Variants in CARS1 observed in about 807,000 individuals in gnomAD.
CARS1 encodes cysteine--tRNA ligase, cytoplasmic.
Under a neutral mutation model 106.2 loss-of-function variants are expected in CARS1, and 48 were observed. The observed-to-expected ratio is 0.45, with a 90% CI of 0.36 to 0.57. The LOEUF is 0.57. Among genes scored for constraint, CARS1 ranks in the 20% least tolerant of loss-of-function variants. The pLI, the probability that CARS1 is intolerant of heterozygous loss-of-function variation, is 0.00. For synonymous variants in CARS1, 409 were observed against 403.4 expected (o/e 1.01, Z -0.17); for missense variants, 968 against 1,057.2 (o/e 0.92, Z 1.17).
rs200630863 is a variant in CARS1 at position 3,033,872 on chromosome 11, C to T, written c.801+4178G>A. On this transcript the variant is annotated intron_variant, in intron 7 of 22. Transcript: ENST00000380525. ...GACAAAACCAAGATGGGGCCTCTTA[C>T]CCATCAGATACCTGTGAGAGACAGC... Among the ~76,000 whole-genome samples, 18 of 152,272 alleles carry T rather than the reference C, an allele frequency of 1.2e-4. No homozygotes were observed. In the East Asian group the frequency reaches 2.9e-3, roughly 24 times the overall value.
Position 3,021,600 on chromosome 11 carries a change from A to G in CARS1, c.1154-1268T>C, listed in dbSNP as rs1384878001. On this transcript the variant is annotated intron_variant, in intron 10 of 22. Coordinates refer to ENST00000380525, the MANE Select transcript of CARS1 (RefSeq NM_001014437.3). This position sits in a 1 kb window ranked among gnomAD's most constrained non-coding sequence, Gnocchi z 5.3. Reference sequence around the variant, plus strand: ...TTCATGATTATAAAATATGTACTAAATGTAGAATATTTGAAAGATAAAAAA... The same window carrying G: ...TTCATGATTATAAAATATGTACTAAGTGTAGAATATTTGAAAGATAAAAAA... Among the ~76,000 whole-genome samples the G allele has an allele frequency of 6.6e-6, 1 of 152,216 alleles. No individual in the cohort carries two copies. The highest frequency in any genetic ancestry group is 1.9e-4 in the East Asian group (1 of 5,198).
At chr11:3,015,728 T>G (rs891122726) in intron 17 of CARS1, 53 bp downstream of exon 17, 3 of 1,470,506 alleles carry the variant, frequency 2.0e-6, no homozygotes, top group Non-Finnish European at 2.9e-6. Context: ...CACAGAGGGG[T>G]AGGGAGTGGG....
intron 10 of CARS1, among the ~76,000 whole-genome samples, chr11:3,025,742 G>A (rs781538041): frequency 3.3e-5 from 5 of 152,186 alleles, no homozygotes; most frequent in Non-Finnish European, 7.3e-5. Flanking sequence ...TAAACATGAA[G>A]AAAACACCAA....
intron 1 of CARS1, chr11:3,054,925 C>G (rs1028797841): frequency 3.7e-5 from 26 of 702,460 alleles, no homozygotes; most frequent in African/African-American, 3.3e-4. Flanking sequence ...CGGAAAGGCC[C>G]TGAGGTAGGC....
intron 17 of CARS1, among the ~76,000 whole-genome samples, chr11:3,014,529 T>C (rs928353523): frequency 5.3e-5 from 8 of 152,236 alleles, no homozygotes; most frequent in African/African-American, 1.4e-4. Context: ...GCCGTTAAGA[T>C]GAAAAACACT....
rs1226048031 is a variant in CARS1 at position 3,020,282 on chromosome 11, C to T, written c.1204G>A (p.Asp402Asn). Reference protein sequence around the residue: ...DRLSEKRSPNDFALWKASKPG... With the variant: ...DRLSEKRSPNNFALWKASKPG... ...TTAGAGGCCTTCCATAAGGCAAAGT[C>T]GTTGGGAGAGCGCTTCTCACTCAGG... Residue 402 changes from aspartate (D) to asparagine (N), a missense_variant, in exon 11 of 23, where the codon GAC (aspartate) becomes AAC (asparagine). Coordinates refer to ENST00000380525, the MANE Select transcript of CARS1 (RefSeq NM_001014437.3). The surrounding 1 kb of genome is among the most constrained non-coding windows in gnomAD (Gnocchi z 4.6). 3.1e-6 allele frequency: 5 copies of T among 1,614,092 alleles called. No homozygotes were observed. Among genetic ancestry groups the T allele is most frequent in the Non-Finnish European group, 3.4e-6 (4 of 1,179,946 alleles).
Position 3,043,754 on chromosome 11 carries a change from A to G in CARS1, c.275-1498T>C, listed in dbSNP as rs1374695595. ...GGCTCTAGCTCAGGCCACACGAGCC[A>G]GGACGGCAGACGCTGATGACTAACA... is the stretch of plus-strand genomic sequence containing the variant. On this transcript the variant is annotated intron_variant, in intron 2 of 22. Transcript: ENST00000380525. The surrounding 1 kb of genome is among the most constrained non-coding windows in gnomAD (Gnocchi z 4.0). Among the ~76,000 whole-genome samples the G allele has an allele frequency of 6.6e-6, 1 of 152,120 alleles. No homozygotes were observed. Among genetic ancestry groups the G allele is most frequent in the East Asian group, 1.9e-4 (1 of 5,184 alleles).
At chr11:3,023,264 T>C (rs1851741512) in intron 10 of CARS1, among the ~76,000 whole-genome samples, 1 of 152,182 alleles carries the variant, frequency 6.6e-6, no homozygotes, top group South Asian at 2.1e-4. Context: ...GTGCTGCCAG[T>C]TCCCTCCCGG....
At position 3,039,957 on chromosome 11, in the gene CARS1, T is replaced by G. The variant is rs747373599; in HGVS notation, c.456-26A>C. The G allele has an allele frequency of 6.6e-6, 8 of 1,216,986 alleles. No homozygotes were observed. Among genetic ancestry groups the G allele is most frequent in the South Asian group, 1.3e-5 (1 of 76,428 alleles). The allele number at this position is 1,216,986 out of a possible 1,614,324, so 75.4% of individuals were successfully genotyped here. A position where few individuals can be genotyped will look rare whatever the true frequency, so the allele number is the denominator to read the frequency against. On this transcript the variant is annotated intron_variant, in intron 4 of 22. Transcript: ENST00000380525. The surrounding 1 kb of genome is among the most constrained non-coding windows in gnomAD (Gnocchi z 5.6). ...CTAAAGCAATGAAAAAACAAACATT[T>G]CCACACCAGACGATATGTATAGCTT...
chr11:3,018,362 A>T (rs1451914148), intron 14 of CARS1, 46 bp downstream of exon 14: 2 of 1,295,020 alleles, frequency 1.5e-6, no homozygotes, highest in Admixed American at 1.8e-5. Context: ...CCCACTGTGC[A>T]GGGGAGGCTG....
chr11:3,042,283 G>A, intron 2 of CARS1, 27 bp from the exon 3 acceptor site: 1 of 1,582,422 alleles, frequency 6.3e-7, no homozygotes, highest in Non-Finnish European at 8.6e-7. Flanking sequence ...GCAGGATCAG[G>A]GTCCAGGGGC....
intron 7 of CARS1, among the ~76,000 whole-genome samples, chr11:3,035,339 A>G (rs1853476609): frequency 6.6e-6 from 1 of 152,204 alleles, no homozygotes; most frequent in African/African-American, 2.4e-5. Context: ...GAGAGGTTGG[A>G]AAAAGGGACA....
In CARS1 at chr11:3,040,686, AGTCTTT is replaced by A. The variant is rs1206070700; in HGVS notation, c.455+204_455+209del. On this transcript the variant is annotated intron_variant, in intron 4 of 22. Transcript: ENST00000380525. This position sits in a 1 kb window ranked among gnomAD's most constrained non-coding sequence, Gnocchi z 5.8. ...GGACATTTTCTTTTTGGTGATCTGTAGTCTTTCTGCAGTGAATATAGATTACTTATG... is the reference window on the plus strand; with the variant it reads ...GGACATTTTCTTTTTGGTGATCTGTACTGCAGTGAATATAGATTACTTATG... 1.9e-5 allele frequency: 13 copies of A among 697,488 alleles called. No homozygotes were observed. The highest frequency in any genetic ancestry group is 1.2e-4 in the African/African-American group (7 of 57,184). The allele number at this position is 697,488 out of a possible 1,614,324, so 43.2% of individuals were successfully genotyped here.
rs1854948788 is a variant in CARS1 at position 3,045,128 on chromosome 11, G to T, written c.274+2625C>A. 6.6e-6 allele frequency among the ~76,000 whole-genome samples: 1 copy of T among 152,170 alleles called. No individual in the cohort carries two copies. Among genetic ancestry groups the T allele is most frequent in the East Asian group, 1.9e-4 (1 of 5,192 alleles). ...GCTGAGCCTCCACTGCGGGTGAGAAGTGCTCAACAAGTTCAACGTCCTGAT... is the reference window on the plus strand; with the variant it reads ...GCTGAGCCTCCACTGCGGGTGAGAATTGCTCAACAAGTTCAACGTCCTGAT... On this transcript the variant is annotated intron_variant, in intron 2 of 22. Coordinates refer to ENST00000380525, the MANE Select transcript of CARS1 (RefSeq NM_001014437.3). This position sits in a 1 kb window ranked among gnomAD's most constrained non-coding sequence, Gnocchi z 5.6.
In CARS1 at chr11:3,044,478, C is replaced by T. The variant is rs938456479; in HGVS notation, c.275-2222G>A. Among the ~76,000 whole-genome samples the T allele has an allele frequency of 2.0e-5, 3 of 151,914 alleles. No homozygotes were observed. Among genetic ancestry groups the T allele is most frequent in the Non-Finnish European group, 2.9e-5 (2 of 67,964 alleles). On this transcript the variant is annotated intron_variant, in intron 2 of 22. Coordinates refer to ENST00000380525, the MANE Select transcript of CARS1 (RefSeq NM_001014437.3). The surrounding 1 kb of genome is among the most constrained non-coding windows in gnomAD (Gnocchi z 4.4). ...CTGGCGCAATCTCAACTCACTGCAA[C>T]CTCCGCCTCCTGAGTTCAAGCGATT...
Position 3,038,312 on chromosome 11 carries a change from T to C in CARS1, c.652-113A>G, listed in dbSNP as rs1853957425. 4 of 996,778 alleles carry C rather than the reference T, an allele frequency of 4.0e-6. No individual in the cohort carries two copies. The highest frequency in any genetic ancestry group is 2.4e-5 in the East Asian group (1 of 41,690). The allele number at this position is 996,778 out of a possible 1,614,324, so 61.7% of individuals were successfully genotyped here. ...GGTTTTTCCCATGGCCCCATAGAGA[T>C]AGAGAAGTGTGCAACCCAAGTGGCC... On this transcript the variant is annotated intron_variant, in intron 6 of 22. Transcript: ENST00000380525. The surrounding 1 kb of genome is among the most constrained non-coding windows in gnomAD (Gnocchi z 4.0).
Position 3,041,217 on chromosome 11 carries a change from CT to C in CARS1, c.367-234del. 3 of 538,158 alleles carry C rather than the reference CT, an allele frequency of 5.6e-6. No homozygotes were observed. The allele number at this position is 538,158 out of a possible 1,614,324, so 33.3% of individuals were successfully genotyped here. A position where few individuals can be genotyped will look rare whatever the true frequency, so the allele number is the denominator to read the frequency against. On this transcript the variant is annotated intron_variant, in intron 3 of 22. Coordinates refer to ENST00000380525, the MANE Select transcript of CARS1 (RefSeq NM_001014437.3). The surrounding 1 kb of genome is among the most constrained non-coding windows in gnomAD (Gnocchi z 4.9). ...GTGGGGCCTCTTCCTCCCTGGGGTT[CT>C]ACTCATCTATGGAGGGAGGCGATAA... is the stretch of plus-strand genomic sequence containing the variant.
rs375048274 is a variant in CARS1, at chr11:3,004,558, G to T, written c.2217+808C>A. ...ACAGCCCCCATGGCCCACCTCCCAT[G>T]GTGTGCACTGGGGGCCCAGGTGCCT... On this transcript the variant is annotated intron_variant, in intron 20 of 22. Coordinates refer to ENST00000380525, the MANE Select transcript of CARS1 (RefSeq NM_001014437.3). The surrounding 1 kb of genome is among the most constrained non-coding windows in gnomAD (Gnocchi z 5.2). Among the ~76,000 whole-genome samples the T allele has an allele frequency of 1.6e-4, 25 of 152,332 alleles. No individual in the cohort carries two copies. In the East Asian group the frequency reaches 3.5e-3, roughly 21 times the overall value.
chr11:3,056,009 G>A (rs771818278), intron 1 of CARS1, among the ~76,000 whole-genome samples: 23 of 152,184 alleles, frequency 1.5e-4, no homozygotes, highest in Non-Finnish European at 3.1e-4. Flanking sequence ...TCTGAGGGCC[G>A]CTTGGCTCTG....
Sources: allele counts gnomAD v4.1 joint callset (sites outside exome capture counted in the v4.1 genomes callset), GRCh38; gene constraint gnomAD v4.1.1; non-coding constraint Gnocchi (gnomAD v3.1); transcripts MANE v1.5; gene names NCBI Gene and HGNC (gene_info 2026-07-23, HGNC 2026-07-21).